The following PCDH9 variants were observed in gnomAD, a reference collection of about 807,000 sequenced individuals.
The protein encoded by PCDH9 is protocadherin-9.
Under a neutral mutation model 70.6 loss-of-function variants are expected in PCDH9, and 24 were observed. The ratio of observed to expected loss-of-function variants is 0.34; its 90% CI spans 0.25 to 0.48. The LOEUF is 0.48. PCDH9 is among the 20% of genes least tolerant of loss of function. The probability of loss-of-function intolerance (pLI) is 0.99; values close to 1 mark genes in which losing one functional copy is unlikely to be tolerated. For missense variants in PCDH9, 1,281 were observed against 1,503.6 expected (o/e 0.85, Z 2.45); for synonymous variants, 562 against 558.5 (o/e 1.01, Z -0.09).
chr13:66,842,534 C>T (rs1432898376), intron 3 of PCDH9, among the ~76,000 whole-genome samples: 3 of 152,050 alleles, frequency 2.0e-5, no homozygotes, highest in Non-Finnish European at 4.4e-5. Flanking sequence ...CTCTTTTAGC[C>T]CCCAAAATTC....
intron 2 of PCDH9, among the ~76,000 whole-genome samples, chr13:66,999,855 G>A (rs1183117712): frequency 6.6e-6 from 1 of 152,180 alleles, no homozygotes; most frequent in African/African-American, 2.4e-5. Context: ...GAGAGGATGT[G>A]GAGAAATAGG....
intron 3 of PCDH9, among the ~76,000 whole-genome samples, chr13:66,688,262 C>A (rs1335594878): frequency 6.6e-6 from 1 of 152,042 alleles, no homozygotes; most frequent in Non-Finnish European, 1.5e-5. Flanking sequence ...ATTCCTATAC[C>A]TTTGATCCTC....
intron 3 of PCDH9, among the ~76,000 whole-genome samples, chr13:66,896,746 C>T (rs2082186301): frequency 6.6e-6 from 1 of 152,008 alleles, no homozygotes; most frequent in African/African-American, 2.4e-5. Context: ...ATTTAATAGC[C>T]ACTGCAGTTT....
At chr13:66,934,113 C>T (rs1372681583) in intron 2 of PCDH9, among the ~76,000 whole-genome samples, 7 of 152,138 alleles carry the variant, frequency 4.6e-5, no homozygotes, top group Admixed American at 2.6e-4. Flanking sequence ...AAATGGCCCC[C>T]ACTAAATGTT....
intron 2 of PCDH9, among the ~76,000 whole-genome samples, chr13:67,052,452 G>C (rs887088612): frequency 1.3e-5 from 2 of 152,062 alleles, no homozygotes; most frequent in Non-Finnish European, 2.9e-5. Context: ...TGTAAGCTTA[G>C]TTAAGGACTT....
In PCDH9 at chr13:66,787,904, G is replaced by A. The variant is rs1159199722; in HGVS notation, c.3138+115600C>T. Among the ~76,000 whole-genome samples the A allele has an allele frequency of 3.9e-5, 6 of 152,242 alleles. No homozygotes were observed. In the South Asian group the frequency reaches 1.2e-3, roughly 32 times the overall value. Reference sequence around the variant, plus strand: ...GTAATTAATCCACTTATTAAAAGAGGAGAGTTCTCCAAAGATAAAGGTATA... The same window carrying A: ...GTAATTAATCCACTTATTAAAAGAGAAGAGTTCTCCAAAGATAAAGGTATA... On this transcript the variant is annotated intron_variant, in intron 3 of 4. Coordinates refer to ENST00000377865, the MANE Select transcript of PCDH9 (RefSeq NM_203487.3).
intron 4 of PCDH9, among the ~76,000 whole-genome samples, chr13:66,583,562 T>C (rs1286254257): frequency 6.6e-6 from 1 of 151,484 alleles, no homozygotes; most frequent in African/African-American, 2.4e-5. Context: ...TACAGTGCGC[T>C]GAGATCCCGC....
At chr13:66,668,551 C>T (rs2078127778) in intron 3 of PCDH9, among the ~76,000 whole-genome samples, 1 of 152,116 alleles carries the variant, frequency 6.6e-6, no homozygotes, top group Non-Finnish European at 1.5e-5. Context: ...TTCATTCACT[C>T]AAAAACTAAG....
At chr13:66,950,240 G>A (rs1051172336) in intron 2 of PCDH9, among the ~76,000 whole-genome samples, 4 of 152,088 alleles carry the variant, frequency 2.6e-5, no homozygotes, top group African/African-American at 9.7e-5. Context: ...TCTGCTTCCT[G>A]TGCCTGTGAC....
chr13:66,522,365 C>A (rs1960034019), intron 4 of PCDH9, among the ~76,000 whole-genome samples: 1 of 151,854 alleles, frequency 6.6e-6, no homozygotes, highest in Admixed American at 6.6e-5. Flanking sequence ...AAGATTTGAC[C>A]AAAATTTCAA....
At chr13:66,896,355 A>G (rs1224445284) in intron 3 of PCDH9, among the ~76,000 whole-genome samples, 5 of 150,102 alleles carry the variant, frequency 3.3e-5, no homozygotes, top group Non-Finnish European at 7.5e-5. Flanking sequence ...CCACAAATGT[A>G]TGCTGTTTTT....
At chr13:66,423,485 C>A (rs1957608636) in intron 4 of PCDH9, among the ~76,000 whole-genome samples, 1 of 152,132 alleles carries the variant, frequency 6.6e-6, no homozygotes, top group South Asian at 2.1e-4. Flanking sequence ...CCACCACAAT[C>A]AAGTCAGCTT....
chr13:67,155,948 C>A (rs180725747), intron 2 of PCDH9, among the ~76,000 whole-genome samples: 1 of 152,230 alleles, frequency 6.6e-6, no homozygotes, highest in East Asian at 1.9e-4. Flanking sequence ...CTGGAACGTT[C>A]ACCTCCCTGA....
intron 2 of PCDH9, among the ~76,000 whole-genome samples, chr13:67,014,624 CACAT>C (rs142924646): frequency 0.073 from 11,028 of 152,080 alleles, 512 homozygotes; most frequent in East Asian, 0.19. Flanking sequence ...GTCCCACACA[CACAT>C]AGCCAATCCT....
intron 3 of PCDH9, among the ~76,000 whole-genome samples, chr13:66,883,495 ATT>A (rs142205251): frequency 0.012 from 1,832 of 152,298 alleles, 15 homozygotes; most frequent in Non-Finnish European, 0.017. Context: ...GACTGAAGAT[ATT>A]CTAACTCAGC....
chr13:66,413,503 G>A (rs1172138350), intron 4 of PCDH9, among the ~76,000 whole-genome samples: 2 of 151,818 alleles, frequency 1.3e-5, no homozygotes, highest in African/African-American at 4.8e-5. Flanking sequence ...TGGCTAACAC[G>A]GTGAAACCCC....
At chr13:67,056,772 TAGTG>T (rs1193144446) in intron 2 of PCDH9, among the ~76,000 whole-genome samples, 1 of 152,262 alleles carries the variant, frequency 6.6e-6, no homozygotes, top group African/African-American at 2.4e-5. Context: ...GCCTGGTACT[TAGTG>T]AGTGTCAGTG....
chr13:66,859,989 A>T (rs757248050), intron 3 of PCDH9, among the ~76,000 whole-genome samples: 4 of 152,196 alleles, frequency 2.6e-5, no homozygotes, highest in Non-Finnish European at 5.9e-5. Context: ...TTAGGTCGTT[A>T]GTCAGTCTGT....
chr13:67,141,753 T>TA (rs34484513), intron 2 of PCDH9, among the ~76,000 whole-genome samples: 5,186 of 129,446 alleles, frequency 0.04, 218 homozygotes, highest in Admixed American at 0.14. Context: ...CCTTCTCTCT[T>TA]AAAAAAAAAA....
Sources: gnomAD v4.1 joint callset for allele counts (sites outside exome capture counted in the v4.1 genomes callset) on GRCh38, gnomAD v4.1.1 for gene constraint, MANE v1.5 for transcripts, NCBI Gene and HGNC (gene_info 2026-07-23, HGNC 2026-07-21) for gene names.